The following ABCC1 variants were observed in gnomAD, a reference collection of about 807,000 sequenced individuals.
The protein encoded by ABCC1 is ATP binding cassette subfamily C member 1 (ABCC1 blood group).
In ABCC1, 83 loss-of-function variants were observed where a neutral mutation model predicts 172.9. The observed-to-expected ratio is 0.48, with a 90% CI of 0.40 to 0.58. The LOEUF is 0.58. Ranked by LOEUF, ABCC1 falls within the 20% of genes least tolerant of loss-of-function variation. The probability of loss-of-function intolerance (pLI) is 0.00; values close to 1 mark genes in which losing one functional copy is unlikely to be tolerated. For synonymous variants in ABCC1, 937 were observed against 825.2 expected, an observed-to-expected ratio of 1.14 and a Z score of -2.32; for missense variants, 1,817 against 2,002.7, an observed-to-expected ratio of 0.91 and a Z score of 1.77.
At chr16:16,002,065 G>A (rs1221132615) in intron 1 of ABCC1, among the ~76,000 whole-genome samples, 1 of 152,144 alleles carries the variant, frequency 6.6e-6, no homozygotes, top group Non-Finnish European at 1.5e-5. Context: ...AAATTCAATT[G>A]TTTATTCAAT....
intron 11 of ABCC1, among the ~76,000 whole-genome samples, chr16:16,055,829 T>C (rs2151913739): frequency 6.6e-6 from 1 of 151,150 alleles, no homozygotes. Flanking sequence ...TCTCCCACCC[T>C]CAGGAGGCCC....
intron 1 of ABCC1, among the ~76,000 whole-genome samples, chr16:15,950,099 C>T (rs771354234): frequency 6.6e-6 from 1 of 151,754 alleles, no homozygotes; most frequent in Non-Finnish European, 1.5e-5. Context: ...TTGGGGTTCC[C>T]GTCTGTAAAA....
intron 7 of ABCC1, among the ~76,000 whole-genome samples, chr16:16,040,649 G>A (rs1232699457): frequency 4.0e-5 from 6 of 151,820 alleles, no homozygotes; most frequent in Admixed American, 6.6e-5. Context: ...TGTGCACAAT[G>A]TGCAGGTTAG....
intron 22 of ABCC1, among the ~76,000 whole-genome samples, chr16:16,112,048 A>C (rs9674124): frequency 1.6e-3 from 247 of 152,232 alleles, no homozygotes; most frequent in African/African-American, 5.5e-3. Flanking sequence ...TTGGTTGTCA[A>C]AAGATTGAGA....
chr16:15,978,300 A>C (rs1043177270), intron 1 of ABCC1, among the ~76,000 whole-genome samples: 8 of 152,140 alleles, frequency 5.3e-5, no homozygotes, highest in Non-Finnish European at 1.5e-5. Flanking sequence ...CAGGAGGTTG[A>C]GGCTGCAGTG....
At chr16:16,061,730 C>T (rs1256201666) in intron 12 of ABCC1, among the ~76,000 whole-genome samples, 1 of 150,428 alleles carries the variant, frequency 6.6e-6, no homozygotes, top group Non-Finnish European at 1.5e-5. Flanking sequence ...TAGTAAGAGT[C>T]ATACATAAAT....
chr16:15,956,029 C>T (rs987954818), intron 1 of ABCC1, among the ~76,000 whole-genome samples: 1 of 152,098 alleles, frequency 6.6e-6, no homozygotes, highest in East Asian at 1.9e-4. Context: ...AGGTGGATTA[C>T]CTGAGGTCAG....
At chr16:15,978,612 G>C (rs756259702) in intron 1 of ABCC1, among the ~76,000 whole-genome samples, 3 of 152,112 alleles carry the variant, frequency 2.0e-5, no homozygotes. Context: ...AAATGTGGTT[G>C]TTTCTGGTTC....
chr16:16,083,326 CTG>C (rs2050877584), intron 16 of ABCC1, 38 bp from the exon 17 acceptor site: 1 of 1,600,566 alleles, frequency 6.2e-7, no homozygotes, highest in African/African-American at 1.3e-5. Context: ...TCAGATCTGT[CTG>C]TGTGTCTGTC....
At chr16:16,092,095 T>C (rs2051278325) in intron 19 of ABCC1, among the ~76,000 whole-genome samples, 2 of 152,042 alleles carry the variant, frequency 1.3e-5, no homozygotes, top group Admixed American at 1.3e-4. Context: ...AAAATTATCC[T>C]GGCGTGGTGG....
At chr16:16,131,975 C>T (rs376963637) in intron 27 of ABCC1, 40 bp downstream of exon 27, 142 of 1,596,458 alleles carry the variant, frequency 8.9e-5, no homozygotes, top group African/African-American at 1.9e-4. Context: ...CATTCCCAGT[C>T]GGGCACAGGG....
At position 16,045,338 on chromosome 16, in the gene ABCC1, C is replaced by G. The variant is rs368879218; in HGVS notation, c.1041-498C>G. On this transcript the variant is annotated intron_variant, in intron 8 of 30. Transcript: ENST00000399410. ...GCTTGAACCCAGGAGGCAGAGGTTA[C>G]AGCAAGCTGATTGCATCACTGAACT... 2.2e-3 allele frequency among the ~76,000 whole-genome samples: 291 copies of G among 132,936 alleles called. 1 individual carries two copies. The highest frequency in any genetic ancestry group is 7.9e-3 in the African/African-American group (273 of 34,608). 87.2% of individuals were successfully genotyped at this position (132,936 alleles called of 152,430 possible). A position where few individuals can be genotyped will look rare whatever the true frequency, so the allele number is the denominator to read the frequency against.
intron 5 of ABCC1, among the ~76,000 whole-genome samples, chr16:16,030,787 C>T (rs1039253353): frequency 2.0e-5 from 3 of 152,006 alleles, no homozygotes; most frequent in African/African-American, 7.2e-5. Flanking sequence ...AGCTTCAGTG[C>T]CCCAGTCGCA....
intron 28 of ABCC1, among the ~76,000 whole-genome samples, chr16:16,135,707 C>T (rs1040591075): frequency 4.6e-5 from 7 of 152,144 alleles, no homozygotes; most frequent in African/African-American, 1.4e-4. Flanking sequence ...CTGCCTGCCT[C>T]GGCCTCCCAT....
chr16:16,039,209 T>TTTG (rs1555487453), intron 7 of ABCC1, among the ~76,000 whole-genome samples: 4 of 137,132 alleles, frequency 2.9e-5, no homozygotes, highest in African/African-American at 1.1e-4. Flanking sequence ...GAGGAAGCTT[T>TTTG]TGTGTGTGTG....
intron 19 of ABCC1, chr16:16,098,956 G>C (rs963306334): frequency 7.5e-7 from 1 of 1,329,308 alleles, no homozygotes; most frequent in East Asian, 4.6e-5. Flanking sequence ...GGCCAGAGAC[G>C]GGCCGAGACT....
At chr16:16,136,674 G>T in intron 29 of ABCC1, 30 bp downstream of exon 29, 1 of 1,611,344 alleles carries the variant, frequency 6.2e-7, no homozygotes, top group South Asian at 1.1e-5. Flanking sequence ...GAGACACCGG[G>T]TAAGGTGTCC....
intron 2 of ABCC1, among the ~76,000 whole-genome samples, chr16:16,008,340 T>C (rs1205942155): frequency 6.6e-6 from 1 of 151,556 alleles, no homozygotes; most frequent in African/African-American, 2.4e-5. Context: ...TTTAATTAAA[T>C]ATATTTATAT....
chr16:15,955,977 G>T (rs1289796692), intron 1 of ABCC1, among the ~76,000 whole-genome samples: 1 of 152,162 alleles, frequency 6.6e-6, no homozygotes, highest in Non-Finnish European at 1.5e-5. Flanking sequence ...ATGCAGCGCG[G>T]TGGCTTACAC....
Sources: gnomAD v4.1 joint callset for allele counts (sites outside exome capture counted in the v4.1 genomes callset) on GRCh38, gnomAD v4.1.1 for gene constraint, MANE v1.5 for transcripts, NCBI Gene and HGNC (gene_info 2026-07-23, HGNC 2026-07-21) for gene names.